The following GRM8 variants were observed in gnomAD, a reference collection of about 807,000 sequenced individuals.
The protein encoded by GRM8 is metabotropic glutamate receptor 8.
Under a neutral mutation model 87.2 loss-of-function variants are expected in GRM8, and 47 were observed. The ratio of observed to expected loss-of-function variants is 0.54; its 90% confidence interval spans 0.43 to 0.69. The LOEUF is 0.69. Ranked by LOEUF, GRM8 falls within the 30% of genes least tolerant of loss-of-function variation. The pLI is 0.00. For missense variants in GRM8, 1,019 were observed against 1,139.2 expected (o/e 0.89, Z 1.52); for synonymous variants, 396 against 404.5 (o/e 0.98, Z 0.25).
At chr7:127,168,062 G>A (rs573000060) in intron 2 of GRM8, among the ~76,000 whole-genome samples, 55 of 152,248 alleles carry the variant, frequency 3.6e-4, no homozygotes, top group African/African-American at 1.2e-3. Flanking sequence ...TATCATCAGA[G>A]TGAAAAGGCA....
chr7:127,051,947 G>A (rs1819535884), intron 3 of GRM8, among the ~76,000 whole-genome samples: 1 of 152,008 alleles, frequency 6.6e-6, no homozygotes, highest in Non-Finnish European at 1.5e-5. Flanking sequence ...GTATTCATGG[G>A]GCTTTACCCA....
intron 7 of GRM8, among the ~76,000 whole-genome samples, chr7:126,730,568 A>G (rs2151480954): frequency 6.6e-6 from 1 of 152,300 alleles, no homozygotes; most frequent in Admixed American, 6.5e-5. Flanking sequence ...GGAACTGTTG[A>G]GAACTTTGTG....
intron 3 of GRM8, among the ~76,000 whole-genome samples, chr7:127,062,099 G>A (rs1016295458): frequency 4.7e-5 from 7 of 150,242 alleles, no homozygotes; most frequent in African/African-American, 7.4e-5. Context: ...AGCCGATATC[G>A]TGCCACTGCA....
At chr7:126,641,006 A>T (rs1802325100) in intron 7 of GRM8, among the ~76,000 whole-genome samples, 2 of 152,120 alleles carry the variant, frequency 1.3e-5, no homozygotes, top group African/African-American at 4.8e-5. Flanking sequence ...TATTATTAGC[A>T]CTTTTTAAAG....
chr7:126,591,879 TAA>T (rs912353039), intron 8 of GRM8, among the ~76,000 whole-genome samples: 1 of 151,374 alleles, frequency 6.6e-6, no homozygotes, highest in African/African-American at 2.4e-5. Flanking sequence ...TGACAAAACT[TAA>T]AGAGACACAG....
intron 3 of GRM8, among the ~76,000 whole-genome samples, chr7:126,998,289 G>A (rs1813374789): frequency 1.3e-5 from 2 of 151,760 alleles, no homozygotes; most frequent in South Asian, 4.2e-4. Context: ...ATGTATAACA[G>A]ACCCACAGTT....
intron 3 of GRM8, among the ~76,000 whole-genome samples, chr7:126,968,180 T>C (rs997787512): frequency 2.6e-5 from 4 of 152,228 alleles, no homozygotes; most frequent in African/African-American, 7.2e-5. Flanking sequence ...TGCCATTGTC[T>C]GAGATTTATC....
chr7:126,737,520 T>C (rs1814371074), intron 7 of GRM8, among the ~76,000 whole-genome samples: 1 of 151,970 alleles, frequency 6.6e-6, no homozygotes, highest in Non-Finnish European at 1.5e-5. Context: ...TCTTTCTCTA[T>C]CGTAATTCCC....
At chr7:126,835,909 A>G (rs1795791122) in intron 6 of GRM8, among the ~76,000 whole-genome samples, 1 of 152,234 alleles carries the variant, frequency 6.6e-6, no homozygotes, top group Non-Finnish European at 1.5e-5. Context: ...CTTCAAGGGC[A>G]GAATACTTGT....
intron 2 of GRM8, among the ~76,000 whole-genome samples, chr7:127,143,975 G>A (rs1007438358): frequency 6.6e-6 from 1 of 152,034 alleles, no homozygotes; most frequent in Admixed American, 6.6e-5. Context: ...AGTAGAGTAG[G>A]AGAATAAGAG....
chr7:126,487,710 T>C (rs78023995), intron 9 of GRM8, among the ~76,000 whole-genome samples: 2,824 of 152,136 alleles, frequency 0.019, 107 homozygotes, highest in African/African-American at 0.064. Context: ...GATTTTACTA[T>C]AGAATATAAA....
At chr7:126,878,947 G>A (rs1210971047) in intron 6 of GRM8, among the ~76,000 whole-genome samples, 1 of 151,966 alleles carries the variant, frequency 6.6e-6, no homozygotes, top group East Asian at 2.0e-4. Context: ...TCGATCACCT[G>A]AGGTCAGGAG....
intron 6 of GRM8, among the ~76,000 whole-genome samples, chr7:126,900,665 C>T (rs887674715): frequency 4.9e-4 from 68 of 138,770 alleles, no homozygotes; most frequent in African/African-American, 1.7e-3. Context: ...GCCCGCCACA[C>T]GCCGGGCTAA....
At chr7:126,917,216 T>C (rs965039343) in intron 3 of GRM8, among the ~76,000 whole-genome samples, 1 of 152,150 alleles carries the variant, frequency 6.6e-6, no homozygotes, top group Non-Finnish European at 1.5e-5. Flanking sequence ...CCTCAGGCAA[T>C]ACTACTGCCT....
At chr7:126,465,621 T>A (rs1264977744) in intron 9 of GRM8, among the ~76,000 whole-genome samples, 1 of 151,826 alleles carries the variant, frequency 6.6e-6, no homozygotes, top group Non-Finnish European at 1.5e-5. Flanking sequence ...TATGTATTCA[T>A]TCCTTCTATA....
Position 127,000,670 on chromosome 7 carries a change from C to T in GRM8, c.728-95987G>A, listed in dbSNP as rs546636994. On this transcript the variant is annotated intron_variant, in intron 3 of 10. Transcript: ENST00000339582. ...TTGGAAAATTTCCCTAGAATAGGCTCATTCACAGAAATAAAGTAGATTACA... is the reference window on the plus strand; with the variant it reads ...TTGGAAAATTTCCCTAGAATAGGCTTATTCACAGAAATAAAGTAGATTACA... Among the ~76,000 whole-genome samples, 104 of 151,658 alleles carry T rather than the reference C, an allele frequency of 6.9e-4. 1 individual carries two copies. Among genetic ancestry groups the T allele is most frequent in the African/African-American group, 2.4e-3 (100 of 41,468 alleles).
chr7:126,536,195 G>A (rs28513428), intron 8 of GRM8, among the ~76,000 whole-genome samples: 3,282 of 152,236 alleles, frequency 0.022, 104 homozygotes, highest in African/African-American at 0.073. Context: ...AAAGCAGCCC[G>A]AAGTATGTAG....
chr7:126,942,990 G>A (rs1807134070), intron 3 of GRM8, among the ~76,000 whole-genome samples: 1 of 151,944 alleles, frequency 6.6e-6, no homozygotes, highest in African/African-American at 2.4e-5. Context: ...GAATCACTTG[G>A]GGATCTTATT....
At chr7:126,734,454 A>G in intron 7 of GRM8, among the ~76,000 whole-genome samples, 1 of 151,618 alleles carries the variant, frequency 6.6e-6, no homozygotes, top group African/African-American at 2.4e-5. Flanking sequence ...TTCATAGCAG[A>G]TCTAGAAAAT....
Sources: gnomAD v4.1 joint callset for allele counts (sites outside exome capture counted in the v4.1 genomes callset) on GRCh38, gnomAD v4.1.1 for gene constraint, MANE v1.5 for transcripts, NCBI Gene and HGNC (gene_info 2026-07-23, HGNC 2026-07-21) for gene names.